SHCBP1: variants seen among roughly 807,000 people sequenced by gnomAD.
SHCBP1 encodes the protein SHC SH2 domain-binding protein 1.
SHCBP1 carries 60 observed loss-of-function variants against 75.1 expected under a neutral mutation model. The observed-to-expected ratio is 0.80, with a 90% CI of 0.65 to 0.99. The LOEUF (loss-of-function observed/expected upper bound fraction) is 0.99. SHCBP1 is among the 50% of genes least tolerant of loss of function. The pLI is 0.00. For missense variants in SHCBP1, 709 were observed against 809.4 expected (o/e 0.88, Z 1.50); for synonymous variants, 290 against 293.2 (o/e 0.99, Z 0.11).
intron 10 of SHCBP1, among the ~76,000 whole-genome samples, chr16:46,585,975 G>A (rs1023330533): frequency 7.9e-5 from 12 of 152,136 alleles, no homozygotes; most frequent in East Asian, 1.9e-4. Context: ...CCCATCTACC[G>A]CCAACCCTGT....
Position 46,616,864 on chromosome 16 carries a change from T to C in SHCBP1, c.388-710A>G, listed in dbSNP as rs888157276. Among the ~76,000 whole-genome samples, 1 of 152,094 alleles carries C rather than the reference T, an allele frequency of 6.6e-6. No homozygotes were observed. The highest frequency in any genetic ancestry group is 2.4e-5 in the African/African-American group (1 of 41,402). ...ATAGGCCTGAACTTCAACCAAAAAA[T>C]ATTAGCACAATCCAAAATTTTAAAA... On this transcript the variant is annotated intron_variant, in intron 3 of 12. Coordinates refer to ENST00000303383, the MANE Select transcript of SHCBP1 (RefSeq NM_024745.5). This position sits in a 1 kb window ranked among gnomAD's most constrained non-coding sequence, Gnocchi z 4.4.
At chr16:46,620,129 T>A (rs1187516096) in intron 1 of SHCBP1, among the ~76,000 whole-genome samples, 3 of 152,242 alleles carry the variant, frequency 2.0e-5, no homozygotes, top group Non-Finnish European at 4.4e-5. Flanking sequence ...TAAAGTGAAT[T>A]AATATTTCCA....
rs745308205 is a variant in SHCBP1 at position 46,615,970 on chromosome 16, G to A, written c.572C>T (p.Thr191Ile). The change falls in exon 4 of 13, where the codon ACA becomes ATA. Residue 191 changes from threonine to isoleucine, a missense_variant. By Grantham distance (89) the Thr-to-Ile change is moderately conservative. Coordinates refer to ENST00000303383, the MANE Select transcript of SHCBP1 (RefSeq NM_024745.5). ...VFDDSGVFDQ[T>I]ALAIEHVRFF... ...CCTGACATGCTCAATTGCAAGGGCT[G>A]TCTGGTCAAACACTCCTGAATCATC... The A allele has an allele frequency of 1.9e-6, 3 of 1,614,026 alleles. No homozygotes were observed. The highest frequency in any genetic ancestry group is 2.5e-6 in the Non-Finnish European group (3 of 1,180,040).
intron 9 of SHCBP1, among the ~76,000 whole-genome samples, chr16:46,596,488 CAG>C (rs916086838): frequency 4.1e-4 from 62 of 152,074 alleles, no homozygotes; most frequent in African/African-American, 1.4e-3. Context: ...GCCTGGGTGA[CAG>C]AGTGAGACCT....
At chr16:46,589,123 G>A (rs976727950) in intron 10 of SHCBP1, among the ~76,000 whole-genome samples, 8 of 151,788 alleles carry the variant, frequency 5.3e-5, no homozygotes, top group Admixed American at 1.3e-4. Flanking sequence ...ATTCAACAGC[G>A]TCTCATGCTA....
chr16:46,621,270 C>G lies in SHCBP1; in HGVS notation c.90G>C (p.Ala30=). The G allele has an allele frequency of 8.1e-6, 13 of 1,609,284 alleles. No individual in the cohort carries two copies. Among genetic ancestry groups the G allele is most frequent in the Non-Finnish European group, 1.1e-5 (13 of 1,178,590 alleles). Residue 30 remains alanine, a synonymous_variant, in exon 1 of 13, where the codon GCG becomes GCC. Transcript: ENST00000303383. ...TGGAGAGCTCACCTTTCTCCAGAGA[C>G]GCCAGCTCCTGCTCCACCGCCCAGC... ...RMGWAVEQEL[A]SLEKGLFQDE...
At chr16:46,612,465 TTTGTTGTTG>T (rs559149689) in intron 4 of SHCBP1, among the ~76,000 whole-genome samples, 25 of 151,912 alleles carry the variant, frequency 1.6e-4, no homozygotes, top group African/African-American at 5.8e-4. Flanking sequence ...AGTGGAGTCT[TTTGTTGTTG>T]TTGTTGTTGT....
intron 8 of SHCBP1, among the ~76,000 whole-genome samples, chr16:46,602,599 A>G (rs1965258108): frequency 6.6e-6 from 1 of 152,234 alleles, no homozygotes; most frequent in Admixed American, 6.5e-5. Context: ...AAATTTAGAA[A>G]TCACTCTAAA....
In SHCBP1 at chr16:46,583,581, C is replaced by T. The variant is rs1964905050; in HGVS notation, c.1628G>A (p.Gly543Asp). The T allele has an allele frequency of 6.2e-7, 1 of 1,611,358 alleles. No individual in the cohort carries two copies. The highest frequency in any genetic ancestry group is 1.3e-5 in the African/African-American group (1 of 74,720). ...GATTGTAGGTTTCACCAAGACAACA[C>T]CATAACCTTCATTATTATGTATTAT... ...NNIIHNNEGYGVVLVKPTIFS... is the reference protein window; with the variant it reads ...NNIIHNNEGYDVVLVKPTIFS... The change falls in exon 12 of 13, where the codon GGT (glycine) becomes GAT (aspartate). Residue 543 changes from glycine (G) to aspartate (D), a missense_variant. Gly to Asp is a moderately conservative substitution (Grantham distance 94). Coordinates refer to ENST00000303383, the MANE Select transcript of SHCBP1 (RefSeq NM_024745.5).
At chr16:46,610,240 C>T (rs1965388009) in intron 4 of SHCBP1, among the ~76,000 whole-genome samples, 1 of 152,150 alleles carries the variant, frequency 6.6e-6, no homozygotes, top group Non-Finnish European at 1.5e-5. Context: ...ACCAATCTCA[C>T]ACACATCAAA....
At chr16:46,603,072 C>T (rs1439685668) in intron 8 of SHCBP1, among the ~76,000 whole-genome samples, 1 of 151,994 alleles carries the variant, frequency 6.6e-6, no homozygotes, top group Non-Finnish European at 1.5e-5. Context: ...AGTTAAATGC[C>T]CTTCATTATA....
intron 4 of SHCBP1, among the ~76,000 whole-genome samples, chr16:46,609,944 T>C (rs1178808711): frequency 6.7e-6 from 1 of 150,126 alleles, no homozygotes; most frequent in Admixed American, 6.6e-5. Flanking sequence ...CCCCACCATC[T>C]TGATATTGGA....
intron 1 of SHCBP1, chr16:46,621,041 G>A: frequency 1.9e-6 from 1 of 513,924 alleles, no homozygotes; most frequent in Non-Finnish European, 3.4e-6. Flanking sequence ...AGTGCAGGGA[G>A]AGTGGGAGAT....
chr16:46,610,802 G>A (rs934210273), intron 4 of SHCBP1, among the ~76,000 whole-genome samples: 4 of 151,502 alleles, frequency 2.6e-5, no homozygotes, highest in South Asian at 2.1e-4. Context: ...AAAATGATCC[G>A]CCCACCTTGG....
chr16:46,610,544 ATTTTTTTTTTT>A lies in SHCBP1; in HGVS notation c.597-2166_597-2156del, dbSNP rs60140518. Among the ~76,000 whole-genome samples, 81 of 31,102 alleles carry A rather than the reference ATTTTTTTTTTT, an allele frequency of 2.6e-3. 3 individuals are homozygous for A. Among genetic ancestry groups the A allele is most frequent in the Admixed American group, 3.3e-3 (4 of 1,230 alleles). 20.4% of individuals were successfully genotyped at this position (31,102 alleles called of 152,430 possible). A position where few individuals can be genotyped will look rare whatever the true frequency, so the allele number is the denominator to read the frequency against. On this transcript the variant is annotated intron_variant, in intron 4 of 12. Coordinates refer to ENST00000303383, the MANE Select transcript of SHCBP1 (RefSeq NM_024745.5). ...TGGTGATTACATCCCCATGGGGTCA[ATTTTTTTTTTT>A]TTTTTTTTTTTTTTTTTTGAGACAG...
At chr16:46,589,971 G>C (rs1182327696) in intron 10 of SHCBP1, among the ~76,000 whole-genome samples, 7 of 152,040 alleles carry the variant, frequency 4.6e-5, no homozygotes, top group African/African-American at 1.7e-4. Flanking sequence ...CCAAAACAGA[G>C]ATATAGACCA....
At chr16:46,605,517 G>T (rs1387459314) in intron 5 of SHCBP1, among the ~76,000 whole-genome samples, 1 of 152,026 alleles carries the variant, frequency 6.6e-6, no homozygotes, top group African/African-American at 2.4e-5. Flanking sequence ...GAGCCCCAGG[G>T]GTCAAGGCTG....
intron 4 of SHCBP1, among the ~76,000 whole-genome samples, chr16:46,612,987 G>A (rs1033091572): frequency 2.6e-5 from 4 of 151,974 alleles, no homozygotes; most frequent in Admixed American, 6.6e-5. Flanking sequence ...TCTCTCTTGC[G>A]TCTTAACTGG....
At chr16:46,583,445 A>T in intron 12 of SHCBP1, 71 bp downstream of exon 12, 1 of 1,467,774 alleles carries the variant, frequency 6.8e-7, no homozygotes, top group Non-Finnish European at 9.2e-7. Flanking sequence ...AGGAAGACTC[A>T]GATCCTTAAT....
Sources: gnomAD v4.1 joint callset for allele counts (sites outside exome capture counted in the v4.1 genomes callset) on GRCh38, gnomAD v4.1.1 for gene constraint, Gnocchi (gnomAD v3.1) non-coding constraint, MANE v1.5 for transcripts, NCBI Gene and HGNC (gene_info 2026-07-23, HGNC 2026-07-21) for gene names.